The following TRAPPC9 variants were observed in gnomAD, a reference collection of about 807,000 sequenced individuals.
TRAPPC9 encodes trafficking protein particle complex subunit 9, also known as IKK2 binding protein.
TRAPPC9 carries 83 observed loss-of-function variants against 124.0 expected under a neutral mutation model. That is an observed-to-expected ratio of 0.67 (90% confidence interval 0.56 to 0.80). The LOEUF (loss-of-function observed/expected upper bound fraction) is 0.80. Ranked by LOEUF, TRAPPC9 falls within the 30% of genes least tolerant of loss-of-function variation. The pLI is 0.00. For missense variants in TRAPPC9, 1,302 were observed against 1,508.3 expected, an observed-to-expected ratio of 0.86 and a Z score of 2.27; for synonymous variants, 638 against 617.5, an observed-to-expected ratio of 1.03 and a Z score of -0.49.
At chr8:140,393,348 T>G (rs1486875227) in intron 7 of TRAPPC9, among the ~76,000 whole-genome samples, 1 of 152,168 alleles carries the variant, frequency 6.6e-6, no homozygotes, top group Non-Finnish European at 1.5e-5. Context: ...CCAAAGTCCA[T>G]GCTTCTTCCA....
intron 1 of TRAPPC9, among the ~76,000 whole-genome samples, chr8:140,456,575 T>TA (rs60102800): frequency 0.073 from 11,043 of 152,126 alleles, 926 homozygotes; most frequent in East Asian, 0.45. Context: ...TCTACACTAC[T>TA]AGTCCTCCAC....
At chr8:139,883,764 G>A (rs1333004179) in intron 21 of TRAPPC9, among the ~76,000 whole-genome samples, 1 of 152,236 alleles carries the variant, frequency 6.6e-6, no homozygotes, top group Non-Finnish European at 1.5e-5. Flanking sequence ...GCAGGACCGG[G>A]CTGAGGTTCA....
chr8:139,779,978 CGAG>C (rs1215837381), intron 21 of TRAPPC9, among the ~76,000 whole-genome samples: 1 of 151,996 alleles, frequency 6.6e-6, no homozygotes, highest in African/African-American at 2.4e-5. Flanking sequence ...AAGAGCTACA[CGAG>C]GAAAACTACA....
rs547723151 is a variant in TRAPPC9, at chr8:140,221,631, G to A, written c.2432-48C>T. The A allele has an allele frequency of 9.9e-5, 156 of 1,582,864 alleles. 1 individual carries two copies. The South Asian group carries it at 1.7e-3, about 17-fold the overall frequency. ...ATAAGTAACACGTCAGCTTGGTTTT[G>A]GGGTTTGTTGTTGTTGTTGTTGTTT... On this transcript the variant is annotated intron_variant, in intron 16 of 22. Coordinates refer to ENST00000438773, the MANE Select transcript of TRAPPC9 (RefSeq NM_001160372.4).
intron 16 of TRAPPC9, among the ~76,000 whole-genome samples, chr8:140,240,132 AT>A (rs2063824239): frequency 1.3e-5 from 2 of 152,074 alleles, no homozygotes; most frequent in African/African-American, 4.8e-5. Context: ...CCAAATAGAC[AT>A]GTTTTTTTTT....
At chr8:140,062,977 AGCC>A (rs753410596) in intron 17 of TRAPPC9, among the ~76,000 whole-genome samples, 2 of 45,196 alleles carry the variant, frequency 4.4e-5, no homozygotes, top group Non-Finnish European at 1.4e-4. Flanking sequence ...TGCCTGGGGA[AGCC>A]TCAGGAAACT....
intron 21 of TRAPPC9, among the ~76,000 whole-genome samples, chr8:139,802,211 T>C (rs1823586217): frequency 6.6e-6 from 1 of 152,108 alleles, no homozygotes. Flanking sequence ...CCTGCACAAA[T>C]GTACTTGGAG....
chr8:139,732,228 G>T (rs747231754), intron 21 of TRAPPC9, 26 bp from the exon 22 acceptor site: 29 of 1,548,346 alleles, frequency 1.9e-5, no homozygotes, highest in Non-Finnish European at 8.7e-6. Context: ...GACTGTCGGG[G>T]GCTGGGCTGG....
intron 21 of TRAPPC9, among the ~76,000 whole-genome samples, chr8:139,810,258 G>A (rs916660320): frequency 2.2e-4 from 33 of 152,174 alleles, no homozygotes; most frequent in African/African-American, 6.8e-4. Context: ...GGGAGGCGAC[G>A]CCAAGGAGAC....
In TRAPPC9 at chr8:139,968,654, A is replaced by AG. The variant is rs1224195240; in HGVS notation, c.2810+20071dup. Among the ~76,000 whole-genome samples, 7 of 152,328 alleles carry AG rather than the reference A, an allele frequency of 4.6e-5. No individual in the cohort carries two copies. The East Asian group carries it at 7.7e-4, about 17-fold the overall frequency. On this transcript the variant is annotated intron_variant, in intron 19 of 22. Transcript: ENST00000438773. ...GAATGACAGGAGCCTGCCACAGAAG[A>AG]GTACTCATAAGTGGAGCGACTACCA...
Position 139,730,927 on chromosome 8 carries a change from G to A in TRAPPC9, c.*134C>T. The A allele has an allele frequency of 1.0e-6, 1 of 985,138 alleles. No individual in the cohort carries two copies. Among genetic ancestry groups the A allele is most frequent in the Non-Finnish European group, 1.5e-6 (1 of 670,460 alleles). The allele number at this position is 985,138 out of a possible 1,614,324, so 61.0% of individuals were successfully genotyped here. ...AAAGATGCTACAGGAGGAACAGGAG[G>A]AGAGGGCTGGGAGGGGTCTGGGGGA... On this transcript the variant is annotated 3_prime_UTR_variant, in exon 23 of 23. Coordinates refer to ENST00000438773, the MANE Select transcript of TRAPPC9 (RefSeq NM_001160372.4).
chr8:140,407,922 G>A (rs1223081070), intron 5 of TRAPPC9, among the ~76,000 whole-genome samples: 1 of 152,166 alleles, frequency 6.6e-6, no homozygotes, highest in Admixed American at 6.6e-5. Flanking sequence ...GCGTCTAGCT[G>A]ATAAACTTAA....
chr8:140,085,754 C>G (rs1162360915), intron 17 of TRAPPC9, among the ~76,000 whole-genome samples: 1 of 152,242 alleles, frequency 6.6e-6, no homozygotes. Flanking sequence ...AAGCAGATGA[C>G]AGCCTCTGCT....
Position 140,391,206 on chromosome 8 carries a change from A to C in TRAPPC9, c.1134+6414T>G, listed in dbSNP as rs566597766. 3.9e-5 allele frequency among the ~76,000 whole-genome samples: 6 copies of C among 152,368 alleles called. No homozygotes were observed. In the South Asian group the frequency reaches 1.2e-3, roughly 32 times the overall value. ...CAGGAACAAAGAGGTGGCAGGTCTT[A>C]GTCAGCAGTATCATAAGCCAAAATG... On this transcript the variant is annotated intron_variant, in intron 7 of 22. Transcript: ENST00000438773.
chr8:140,064,824 G>T (rs1235668578), intron 17 of TRAPPC9, among the ~76,000 whole-genome samples: 1 of 152,146 alleles, frequency 6.6e-6, no homozygotes, highest in Non-Finnish European at 1.5e-5. Flanking sequence ...TTATGGCCTG[G>T]ATGTGCTGCT....
At chr8:139,832,395 T>C (rs1826052504) in intron 21 of TRAPPC9, among the ~76,000 whole-genome samples, 1 of 152,166 alleles carries the variant, frequency 6.6e-6, no homozygotes, top group Non-Finnish European at 1.5e-5. Flanking sequence ...GAGCAGCTAG[T>C]GAGACCTGCC....
At chr8:139,914,631 C>T (rs1226875294) in intron 19 of TRAPPC9, among the ~76,000 whole-genome samples, 2 of 152,232 alleles carry the variant, frequency 1.3e-5, no homozygotes, top group Non-Finnish European at 2.9e-5. Context: ...GGAGGGTTTG[C>T]ATGTTCTTAG....
rs146839916 is a variant in TRAPPC9, at chr8:139,871,245, G to A, written c.3055+14634C>T. On this transcript the variant is annotated intron_variant, in intron 21 of 22. Transcript: ENST00000438773. ...AGTTTTGTTATAACCCGGACACCTGGGCCCACCTTGGGTAGGCATAGGGCA... is the reference window on the plus strand; with the variant it reads ...AGTTTTGTTATAACCCGGACACCTGAGCCCACCTTGGGTAGGCATAGGGCA... Among the ~76,000 whole-genome samples, 17 of 152,182 alleles carry A rather than the reference G, an allele frequency of 1.1e-4. No individual in the cohort carries two copies. In the East Asian group the frequency reaches 3.3e-3, roughly 29 times the overall value.
intron 19 of TRAPPC9, among the ~76,000 whole-genome samples, chr8:139,975,823 G>A (rs1490788568): frequency 2.6e-5 from 4 of 151,758 alleles, no homozygotes; most frequent in Non-Finnish European, 5.9e-5. Flanking sequence ...ATCCCCATCA[G>A]CTGCTCTCTC....
Sources: gnomAD v4.1 joint callset for allele counts (sites outside exome capture counted in the v4.1 genomes callset) on GRCh38, gnomAD v4.1.1 for gene constraint, MANE v1.5 for transcripts, NCBI Gene and HGNC (gene_info 2026-07-23, HGNC 2026-07-21) for gene names.